STXBP4: variants seen among roughly 807,000 people sequenced by gnomAD.
The protein encoded by STXBP4 is syntaxin binding protein 4.
STXBP4 carries 55 observed loss-of-function variants against 76.1 expected under a neutral mutation model. The ratio of observed to expected loss-of-function variants is 0.72; its 90% CI spans 0.58 to 0.91. STXBP4 has a LOEUF of 0.91. Among genes scored for constraint, STXBP4 ranks in the 40% least tolerant of loss-of-function variants. STXBP4 has a pLI of 0.00. For synonymous variants in STXBP4, 201 were observed against 220.2 expected, an observed-to-expected ratio of 0.91 and a Z score of 0.77; for missense variants, 618 against 636.9, an observed-to-expected ratio of 0.97 and a Z score of 0.32.
At chr17:55,108,473 A>C (rs171514) in intron 16 of STXBP4, among the ~76,000 whole-genome samples, 1 of 151,922 alleles carries the variant, frequency 6.6e-6, no homozygotes, top group Middle Eastern at 3.2e-3. Flanking sequence ...AACTCCTGCA[A>C]CTAGCTCAGT....
In STXBP4 at chr17:54,970,902, A is replaced by G. The variant is rs139845006; in HGVS notation, c.-157+2087A>G. On this transcript the variant is annotated intron_variant, in intron 1 of 17. Transcript: ENST00000376352. ...TTGTAGCTTTCTACTTTAATAAAAG[A>G]AAATATGCATTGTATCTGATCTTAG... Among the ~76,000 whole-genome samples the G allele has an allele frequency of 7.5e-3, 1,143 of 152,362 alleles. 10 individuals carry two copies. The highest frequency in any genetic ancestry group is 0.014 in the Non-Finnish European group (936 of 68,032).
intron 16 of STXBP4, among the ~76,000 whole-genome samples, chr17:55,102,376 GT>G (rs1289744553): frequency 2.0e-5 from 3 of 152,086 alleles, no homozygotes; most frequent in Admixed American, 2.0e-4. Flanking sequence ...AACATGCAGT[GT>G]TTGGTTTTCT....
intron 4 of STXBP4, 36 bp from the exon 5 acceptor site, chr17:54,999,309 C>A: frequency 6.6e-7 from 1 of 1,505,346 alleles, no homozygotes; most frequent in South Asian, 1.2e-5. Context: ...TTAAATACCT[C>A]ATTAGTTCCT....
chr17:55,130,448 A>G (rs537431918), intron 16 of STXBP4, among the ~76,000 whole-genome samples: 1 of 152,378 alleles, frequency 6.6e-6, no homozygotes, highest in South Asian at 2.1e-4. Flanking sequence ...GTGATGTTTC[A>G]GTATATACAT....
At chr17:54,974,797 C>T (rs2077447138) in intron 1 of STXBP4, among the ~76,000 whole-genome samples, 1 of 152,000 alleles carries the variant, frequency 6.6e-6, no homozygotes, top group South Asian at 2.1e-4. Context: ...AGGGGCTACC[C>T]CATAGGCACT....
At chr17:55,177,329 C>A (rs954156544), downstream of STXBP4, among the ~76,000 whole-genome samples, 1 of 152,144 alleles carries the variant, frequency 6.6e-6, no homozygotes, top group African/African-American at 2.4e-5. Context: ...CCAAGTGTCT[C>A]AACCTCCCTA....
At position 55,161,474 on chromosome 17, in the gene STXBP4, C is replaced by G. The variant is rs576592652; in HGVS notation, c.*1563C>G. On this transcript the variant is annotated 3_prime_UTR_variant, in exon 18 of 18. Coordinates refer to ENST00000376352, the MANE Select transcript of STXBP4 (RefSeq NM_178509.6). ...TCTATAATTGTGAAAGTACAAACTT[C>G]TTGTTTTTGTCAAATTAATGGTATG... The G allele has an allele frequency of 6.6e-6, 1 of 152,264 alleles. No individual in the cohort carries two copies. The highest frequency in any genetic ancestry group is 2.4e-5 in the African/African-American group (1 of 41,564). 9.4% of individuals were successfully genotyped at this position (152,264 alleles called of 1,614,324 possible). A position where few individuals can be genotyped will look rare whatever the true frequency, so the allele number is the denominator to read the frequency against.
At chr17:55,089,206 T>C (rs905823531) in intron 16 of STXBP4, among the ~76,000 whole-genome samples, 1 of 152,184 alleles carries the variant, frequency 6.6e-6, no homozygotes, top group African/African-American at 2.4e-5. Context: ...GTTGTTGTTG[T>C]TGCTGCTGCT....
At chr17:55,074,960 C>T (rs1315234795) in intron 13 of STXBP4, among the ~76,000 whole-genome samples, 1 of 151,736 alleles carries the variant, frequency 6.6e-6, no homozygotes, top group African/African-American at 2.4e-5. Flanking sequence ...AATTAAAATT[C>T]AAGTGTCTAT....
chr17:55,012,191 C>T (rs1287422535), intron 8 of STXBP4, among the ~76,000 whole-genome samples: 2 of 152,082 alleles, frequency 1.3e-5, no homozygotes, highest in African/African-American at 4.8e-5. Context: ...TCACAGTGCA[C>T]CATTGGTTAC....
chr17:55,055,029 A>C lies in STXBP4; in HGVS notation c.1011+7875A>C, dbSNP rs373007307. 1.5e-3 allele frequency among the ~76,000 whole-genome samples: 223 copies of C among 152,266 alleles called. 7 individuals carry two copies. The South Asian group carries it at 0.045, about 31-fold the overall frequency. ...TATTTGTTAATATATTTCTGTCTTC[A>C]TGTCTGAAAAAGTGTTAATAGTACC... On this transcript the variant is annotated intron_variant, in intron 12 of 17. Transcript: ENST00000376352.
intron 12 of STXBP4, among the ~76,000 whole-genome samples, chr17:55,063,298 CT>C (rs2079015364): frequency 6.6e-6 from 1 of 152,136 alleles, no homozygotes. Context: ...GTTAATGATT[CT>C]AAGAGAAATT....
At chr17:55,051,903 G>T (rs1044395523) in intron 12 of STXBP4, among the ~76,000 whole-genome samples, 4 of 151,988 alleles carry the variant, frequency 2.6e-5, no homozygotes, top group Admixed American at 1.3e-4. Context: ...TATATATACA[G>T]ATGTTCCTCA....
At chr17:55,085,120 A>G (rs2079308184) in intron 16 of STXBP4, among the ~76,000 whole-genome samples, 1 of 151,390 alleles carries the variant, frequency 6.6e-6, no homozygotes, top group Non-Finnish European at 1.5e-5. Flanking sequence ...AAAAAACCAA[A>G]CACCGCATAT....
At chr17:55,097,115 A>G (rs1401937251) in intron 16 of STXBP4, among the ~76,000 whole-genome samples, 2 of 152,204 alleles carry the variant, frequency 1.3e-5, no homozygotes, top group African/African-American at 4.8e-5. Context: ...TTATAAAGCA[A>G]TTAGTTCTTG....
Position 55,045,946 on chromosome 17 carries a change from G to A in STXBP4, c.946-1143G>A, listed in dbSNP as rs543438860. ...ATGAAGTTCATAAAGCATTTAGGTG[G>A]TGTCTCATCACTTTTCATTATCCTG... is the stretch of plus-strand genomic sequence containing the variant. On this transcript the variant is annotated intron_variant, in intron 11 of 17. Coordinates refer to ENST00000376352, the MANE Select transcript of STXBP4 (RefSeq NM_178509.6). Among the ~76,000 whole-genome samples, 17 of 152,156 alleles carry A rather than the reference G, an allele frequency of 1.1e-4. 1 individual carries two copies. Among genetic ancestry groups the A allele is most frequent in the Middle Eastern group, 3.4e-3 (1 of 294 alleles).
At chr17:55,062,191 C>T (rs1485092536) in intron 12 of STXBP4, among the ~76,000 whole-genome samples, 1 of 152,000 alleles carries the variant, frequency 6.6e-6, no homozygotes, top group Non-Finnish European at 1.5e-5. Context: ...CTGCACCCAT[C>T]AATCCATCAT....
chr17:55,078,843 C>T (rs569334469), intron 15 of STXBP4, 108 bp downstream of exon 15: 8,453 of 673,608 alleles, frequency 0.013, 99 homozygotes, highest in South Asian at 0.033. Context: ...TAAGGTGCTA[C>T]ATAACTCCCA....
rs903008272 is a variant in STXBP4 at position 55,163,141 on chromosome 17, A to G, written c.*3230A>G. On this transcript the variant is annotated 3_prime_UTR_variant, in exon 18 of 18. Transcript: ENST00000376352. ...AAAAGTAGGACCAACTTACATTACC[A>G]CCAATAGTGTATGTGAGCCTTATTT... 2 of 151,410 alleles carry G rather than the reference A, an allele frequency of 1.3e-5. No individual in the cohort carries two copies. Among genetic ancestry groups the G allele is most frequent in the African/African-American group, 2.4e-5 (1 of 41,172 alleles). 9.4% of individuals were successfully genotyped at this position (151,410 alleles called of 1,614,324 possible).
Sources: gnomAD v4.1 joint callset for allele counts (sites outside exome capture counted in the v4.1 genomes callset) on GRCh38, gnomAD v4.1.1 for gene constraint, MANE v1.5 for transcripts, NCBI Gene and HGNC (gene_info 2026-07-23, HGNC 2026-07-21) for gene names.